CDH12: variants seen among roughly 807,000 people sequenced by gnomAD.
The protein encoded by CDH12 is cadherin-12.
A neutral mutation model predicts 74.1 loss-of-function variants in CDH12; 41 were observed. The observed-to-expected ratio is 0.55, with a 90% CI of 0.43 to 0.72. CDH12 has a LOEUF of 0.72. CDH12 is among the 30% of genes least tolerant of loss of function. The pLI, the probability that CDH12 is intolerant of heterozygous loss-of-function variation, is 0.00. For synonymous variants in CDH12, 399 were observed against 355.0 expected, an observed-to-expected ratio of 1.12 and a Z score of -1.39; for missense variants, 945 against 977.2, an observed-to-expected ratio of 0.97 and a Z score of 0.44.
At chr5:22,436,453 A>G (rs901380975) in intron 2 of CDH12, among the ~76,000 whole-genome samples, 14 of 151,358 alleles carry the variant, frequency 9.2e-5, no homozygotes, top group African/African-American at 3.4e-4. Flanking sequence ...AAAAATATAT[A>G]TATAAAGCAA....
intron 6 of CDH12, among the ~76,000 whole-genome samples, chr5:21,910,980 G>T (rs1235080238): frequency 2.0e-5 from 3 of 152,118 alleles, no homozygotes; most frequent in African/African-American, 7.2e-5. Flanking sequence ...TGTTTTTAAA[G>T]GCCTTAGCCT....
At chr5:22,800,866 G>T (rs139641050) in intron 1 of CDH12, among the ~76,000 whole-genome samples, 1 of 151,762 alleles carries the variant, frequency 6.6e-6, no homozygotes, top group Non-Finnish European at 1.5e-5. Flanking sequence ...GTCTTTTCAC[G>T]GCTCGATAGA....
intron 2 of CDH12, among the ~76,000 whole-genome samples, chr5:22,444,272 T>C (rs1456190312): frequency 6.6e-6 from 1 of 152,088 alleles, no homozygotes; most frequent in Non-Finnish European, 1.5e-5. Flanking sequence ...AGATATGTTA[T>C]TGCTATATAT....
rs1554043853 is a variant in CDH12, at chr5:21,915,822, C to CTCTG, written c.526+59268_526+59269insCAGA. Among the ~76,000 whole-genome samples the CTCTG allele has an allele frequency of 2.2e-3, 311 of 140,126 alleles. 1 individual carries two copies. The highest frequency in any genetic ancestry group is 7.8e-3 in the African/African-American group (293 of 37,770). 91.9% of individuals were successfully genotyped at this position (140,126 alleles called of 152,430 possible). On this transcript the variant is annotated intron_variant, in intron 6 of 14. Transcript: ENST00000382254. ...GTACACCAGTTTCTGATCATTTGTG[C>CTCTG]TGTGTGTGTGTGTGTGTGTGTGTGT...
chr5:22,495,756 G>T (rs1747081831), intron 2 of CDH12, among the ~76,000 whole-genome samples: 1 of 80,718 alleles, frequency 1.2e-5, no homozygotes, highest in South Asian at 4.2e-4. Flanking sequence ...AGAATGCAGT[G>T]AAATCTATGA....
rs1475873010 is a variant in CDH12 at position 21,833,068 on chromosome 5, TATA to T, written c.814+9090_814+9092del. On this transcript the variant is annotated intron_variant, in intron 8 of 14. Transcript: ENST00000382254. ...AATATATATTATATGTTATATAACA[TATA>T]ATATATATTATATTATAAATATATA... Among the ~76,000 whole-genome samples the T allele has an allele frequency of 8.4e-5, 7 of 83,698 alleles. No homozygotes were observed. In the Admixed American group the frequency reaches 1.1e-3, roughly 13 times the overall value. 54.9% of individuals were successfully genotyped at this position (83,698 alleles called of 152,430 possible).
At chr5:22,801,684 T>A (rs1008770792) in intron 1 of CDH12, among the ~76,000 whole-genome samples, 1 of 89,296 alleles carries the variant, frequency 1.1e-5, no homozygotes, top group African/African-American at 6.4e-5. Flanking sequence ...TATATATATA[T>A]ACACTTTGTT....
At chr5:22,033,667 T>G (rs1334323846) in intron 5 of CDH12, among the ~76,000 whole-genome samples, 1 of 152,192 alleles carries the variant, frequency 6.6e-6, no homozygotes, top group Non-Finnish European at 1.5e-5. Flanking sequence ...TTTTCTTTAG[T>G]CAAAAGTAAT....
At chr5:22,813,104 A>G (rs894502554) in intron 1 of CDH12, among the ~76,000 whole-genome samples, 2 of 152,198 alleles carry the variant, frequency 1.3e-5, no homozygotes, top group African/African-American at 2.4e-5. Context: ...AGGTTGAGGA[A>G]AAAGATCTCA....
intron 3 of CDH12, among the ~76,000 whole-genome samples, chr5:22,307,401 A>G (rs924408631): frequency 3.9e-5 from 6 of 152,198 alleles, no homozygotes; most frequent in Admixed American, 6.5e-5. Context: ...CTTCAACCTT[A>G]CATAACTTGT....
intron 6 of CDH12, among the ~76,000 whole-genome samples, chr5:21,958,324 T>C (rs1756193735): frequency 6.6e-6 from 1 of 152,128 alleles, no homozygotes; most frequent in Non-Finnish European, 1.5e-5. Flanking sequence ...GAATTTTTGC[T>C]TTTGTTGCAA....
chr5:22,548,949 G>GT (rs1158496553), intron 1 of CDH12, among the ~76,000 whole-genome samples: 1 of 151,540 alleles, frequency 6.6e-6, no homozygotes, highest in Non-Finnish European at 1.5e-5. Context: ...TTGTTTGTTT[G>GT]TTTTTTAAGT....
intron 1 of CDH12, among the ~76,000 whole-genome samples, chr5:22,826,660 G>C (rs931003529): frequency 6.6e-6 from 1 of 152,166 alleles, no homozygotes; most frequent in African/African-American, 2.4e-5. Context: ...TGAAGAACTT[G>C]TTGGGAACTG....
At chr5:22,195,279 G>C (rs1489088804) in intron 4 of CDH12, among the ~76,000 whole-genome samples, 1 of 152,054 alleles carries the variant, frequency 6.6e-6, no homozygotes, top group Non-Finnish European at 1.5e-5. Context: ...TAAGCCAGGT[G>C]CTTCACTAAG....
At chr5:22,578,388 G>C (rs698898) in intron 1 of CDH12, among the ~76,000 whole-genome samples, 3 of 33,318 alleles carry the variant, frequency 9.0e-5, no homozygotes, top group African/African-American at 2.6e-4. Context: ...TGTGTGTGTG[G>C]GGGGGGGGTG....
At chr5:22,848,546 G>A (rs1300347730) in intron 1 of CDH12, among the ~76,000 whole-genome samples, 1 of 152,024 alleles carries the variant, frequency 6.6e-6, no homozygotes, top group Non-Finnish European at 1.5e-5. Flanking sequence ...ACACCCCCAT[G>A]GTCTCCATTT....
intron 7 of CDH12, among the ~76,000 whole-genome samples, chr5:21,845,580 C>G (rs1205644027): frequency 2.1e-5 from 3 of 143,500 alleles, no homozygotes; most frequent in Non-Finnish European, 4.5e-5. Context: ...TTTCATGAAG[C>G]CTTTTCTGAC....
chr5:22,461,310 C>T (rs186054459), intron 2 of CDH12, among the ~76,000 whole-genome samples: 97 of 151,912 alleles, frequency 6.4e-4, no homozygotes, highest in African/African-American at 2.2e-3. Flanking sequence ...AGGCCTGAGG[C>T]ACCGTACCTG....
chr5:22,101,158 C>T (rs1447871068), intron 4 of CDH12, among the ~76,000 whole-genome samples: 2 of 151,756 alleles, frequency 1.3e-5, no homozygotes, highest in African/African-American at 4.8e-5. Flanking sequence ...CTTCAGCATG[C>T]AAATATTTAT....
Sources: allele counts gnomAD v4.1 joint callset (sites outside exome capture counted in the v4.1 genomes callset), GRCh38; gene constraint gnomAD v4.1.1; transcripts MANE v1.5; gene names NCBI Gene and HGNC (gene_info 2026-07-23, HGNC 2026-07-21).